Variants in PVT1 observed in about 807,000 individuals in gnomAD.
PVT1 encodes CXCR4/PVT1 fusion.
intron 5 of PVT1, among the ~76,000 whole-genome samples, chr8:128,088,066 GT>G (rs1294872895): frequency 6.6e-6 from 1 of 151,694 alleles, no homozygotes; most frequent in African/African-American, 2.4e-5. Context: ...GCCGCTACTT[GT>G]TTTTTTTCCC....
Position 127,797,764 on chromosome 8 carries a change from A to G in PVT1, n.372+1693A>G, listed in dbSNP as rs1178878482. 2.6e-5 allele frequency among the ~76,000 whole-genome samples: 4 copies of G among 152,172 alleles called. No individual in the cohort carries two copies. In the East Asian group the frequency reaches 7.7e-4, roughly 29 times the overall value. Reference sequence around the variant, plus strand: ...GGCATTTATAATGAAATGTCTAGCAATGGTAGACTTCTTGTTGTGGGGCAG... The same window carrying G: ...GGCATTTATAATGAAATGTCTAGCAGTGGTAGACTTCTTGTTGTGGGGCAG... On this transcript the variant is annotated intron_variant and non_coding_transcript_variant, in intron 2 of 10. Transcript: ENST00000651587.
intron 2 of PVT1, among the ~76,000 whole-genome samples, chr8:127,809,661 AT>A (rs992193440): frequency 1.6e-4 from 24 of 151,896 alleles, no homozygotes; most frequent in African/African-American, 5.3e-4. Context: ...GGCTTTTCCC[AT>A]TTTTTCAAAA....
chr8:127,844,459 C>T (rs543319041), intron 2 of PVT1, among the ~76,000 whole-genome samples: 11 of 152,302 alleles, frequency 7.2e-5, no homozygotes, highest in African/African-American at 2.4e-4. Flanking sequence ...CTCAGCTTGT[C>T]TCCACCCATT....
chr8:127,990,005 T>C (rs560208070), intron 4 of PVT1, among the ~76,000 whole-genome samples: 59 of 152,310 alleles, frequency 3.9e-4, no homozygotes, highest in African/African-American at 1.4e-3. Flanking sequence ...GAAGAAATGC[T>C]CCAAAAGGGA....
chr8:128,049,376 G>A (rs992901671), intron 4 of PVT1: 11 of 341,040 alleles, frequency 3.2e-5, no homozygotes, highest in Non-Finnish European at 4.1e-5. Context: ...CGGAGGCAGA[G>A]CACTTGCCTG....
chr8:128,033,310 C>T (rs1563670915), intron 4 of PVT1, among the ~76,000 whole-genome samples: 3 of 152,080 alleles, frequency 2.0e-5, no homozygotes, highest in Non-Finnish European at 4.4e-5. Flanking sequence ...GCCTGGTTCC[C>T]ATGTGTGTGT....
At chr8:128,091,758 A>C (rs997460923) in intron 5 of PVT1, among the ~76,000 whole-genome samples, 1 of 152,226 alleles carries the variant, frequency 6.6e-6, no homozygotes, top group African/African-American at 2.4e-5. Context: ...AGATGTAATA[A>C]ATTTTTGTAA....
At chr8:127,969,579 C>A (rs544467140) in intron 3 of PVT1, among the ~76,000 whole-genome samples, 9 of 152,310 alleles carry the variant, frequency 5.9e-5, no homozygotes, top group African/African-American at 2.2e-4. Flanking sequence ...TCCTGTGAGT[C>A]AGCATTGTGC....
At chr8:128,058,794 TCCACCCCCAGCATGACAGA>T (rs1813793445) in intron 4 of PVT1, among the ~76,000 whole-genome samples, 1 of 152,146 alleles carries the variant, frequency 6.6e-6, no homozygotes, top group African/African-American at 2.4e-5. Context: ...AGTGTCTCCC[TCCACCCCCAGCATGACAGA>T]CGACCATGTC....
At chr8:127,801,652 C>T (rs2130189677) in intron 2 of PVT1, among the ~76,000 whole-genome samples, 1 of 152,260 alleles carries the variant, frequency 6.6e-6, no homozygotes, top group South Asian at 2.1e-4. Flanking sequence ...GCTAGAGCAC[C>T]AGGACAAACA....
intron 2 of PVT1, among the ~76,000 whole-genome samples, chr8:127,866,325 G>C (rs1439591631): frequency 2.0e-5 from 3 of 152,118 alleles, no homozygotes; most frequent in African/African-American, 7.2e-5. Flanking sequence ...CTGCCCCTGG[G>C]TCTGCTTTCC....
intron 4 of PVT1, among the ~76,000 whole-genome samples, chr8:127,990,307 A>G (rs943170937): frequency 2.6e-5 from 4 of 152,098 alleles, no homozygotes; most frequent in African/African-American, 4.8e-5. Context: ...CATTCCCCCT[A>G]TTGCTGGTGA....
chr8:127,862,705 C>T (rs1474284414), intron 2 of PVT1, among the ~76,000 whole-genome samples: 1 of 152,208 alleles, frequency 6.6e-6, no homozygotes, highest in Admixed American at 6.5e-5. Context: ...GAGCCATAGC[C>T]TGCAGCAAAC....
chr8:127,859,126 G>A (rs1401940956), intron 2 of PVT1, among the ~76,000 whole-genome samples: 6 of 152,090 alleles, frequency 3.9e-5, no homozygotes, highest in African/African-American at 1.4e-4. Flanking sequence ...CGTTTGTAAT[G>A]GCACTCTTAA....
intron 3 of PVT1, among the ~76,000 whole-genome samples, chr8:127,909,569 T>C (rs1174552230): frequency 2.0e-5 from 3 of 152,214 alleles, no homozygotes; most frequent in Non-Finnish European, 2.9e-5. Context: ...TTGGCATATG[T>C]GCGGAGCTCT....
At chr8:127,830,779 C>G (rs978128124) in intron 2 of PVT1, among the ~76,000 whole-genome samples, 1 of 151,966 alleles carries the variant, frequency 6.6e-6, no homozygotes, top group African/African-American at 2.4e-5. Context: ...GGCAGACCCA[C>G]CCTTAAGCTG....
At chr8:127,908,256 G>A (rs191992457) in intron 3 of PVT1, among the ~76,000 whole-genome samples, 103 of 152,098 alleles carry the variant, frequency 6.8e-4, no homozygotes, top group Non-Finnish European at 7.9e-4. Context: ...CGGCCGTGAG[G>A]AGGGTGGATC....
chr8:127,890,939 C>G (rs1020491517), exon 3 of PVT1: 1 of 152,326 alleles, frequency 6.6e-6, no homozygotes, highest in African/African-American at 2.4e-5. Context: ...ATGTAAGACC[C>G]CGACTCTTCC....
chr8:128,027,646 C>G (rs1813327423), intron 4 of PVT1, among the ~76,000 whole-genome samples: 1 of 152,112 alleles, frequency 6.6e-6, no homozygotes, highest in Non-Finnish European at 1.5e-5. Flanking sequence ...CTGAAGAGAC[C>G]CTGGGTTCTT....
Sources: allele counts gnomAD v4.1 joint callset (sites outside exome capture counted in the v4.1 genomes callset), GRCh38; gene constraint gnomAD v4.1.1; transcripts MANE v1.5; gene names NCBI Gene and HGNC (gene_info 2026-07-23, HGNC 2026-07-21).